The following FARP2 variants were observed in gnomAD, a reference collection of about 807,000 sequenced individuals.
FARP2 encodes the protein FERM, ARHGEF and pleckstrin domain-containing protein 2.
FARP2 carries 111 observed loss-of-function variants against 130.5 expected under a neutral mutation model. The ratio of observed to expected loss-of-function variants is 0.85; its 90% CI spans 0.73 to 1.00. The LOEUF (loss-of-function observed/expected upper bound fraction) is 1.00. Among genes scored for constraint, FARP2 ranks in the 50% least tolerant of loss-of-function variants. The pLI is 0.00. For missense variants in FARP2, 1,385 were observed against 1,346.3 expected, an observed-to-expected ratio of 1.03 and a Z score of -0.45; for synonymous variants, 504 against 516.9, an observed-to-expected ratio of 0.98 and a Z score of 0.34.
At chr2:241,428,474 G>A (rs2063012870) in intron 8 of FARP2, among the ~76,000 whole-genome samples, 3 of 151,874 alleles carry the variant, frequency 2.0e-5, no homozygotes, top group Non-Finnish European at 2.9e-5. Flanking sequence ...GGGATCACAG[G>A]CGTCAGCCAC....
Position 241,490,012 on chromosome 2 carries a change from C to T in FARP2, c.2472C>T (p.Tyr824=), listed in dbSNP as rs62000396. Residue 824 remains tyrosine, a synonymous_variant, in exon 22 of 27, where the codon TAC becomes TAT. Transcript: ENST00000264042. ...EWSVPHCFTI[Y]AAQKTIVVAA... ...CTGTTCCACACTGTTTCACCATCTA[C>T]GCGGCTCAGAAAACAATCGTGGTGG... 758 of 1,613,976 alleles carry T rather than the reference C, an allele frequency of 4.7e-4. 5 individuals carry two copies. In the African/African-American group the frequency reaches 8.6e-3, roughly 18 times the overall value.
intron 2 of FARP2, among the ~76,000 whole-genome samples, chr2:241,396,710 A>G (rs2062038825): frequency 6.6e-6 from 1 of 152,234 alleles, no homozygotes; most frequent in Non-Finnish European, 1.5e-5. Context: ...ATGTGGAGAA[A>G]TAGGAACGCT....
chr2:241,472,036 GAGAAGACCCTGTTTGGAGGGGGATGC>G (rs1392069721), intron 18 of FARP2, among the ~76,000 whole-genome samples: 2,496 of 86,244 alleles, frequency 0.029, no homozygotes, highest in Admixed American at 0.16. Flanking sequence ...ACACTGTTCT[GAGAAGACCCTGTTTGGAGGGGGATGC>G]CATTTTGAGG....
At chr2:241,361,552 A>G (rs1422212578) in intron 1 of FARP2, among the ~76,000 whole-genome samples, 2 of 152,184 alleles carry the variant, frequency 1.3e-5, no homozygotes, top group Non-Finnish European at 2.9e-5. Context: ...ATTTATTGCA[A>G]TTAGAATATT....
chr2:241,416,399 G>A (rs1234954503), intron 7 of FARP2, among the ~76,000 whole-genome samples: 3 of 152,074 alleles, frequency 2.0e-5, no homozygotes, highest in Admixed American at 1.3e-4. Context: ...ATTTGAGACT[G>A]TGTCTGTCAC....
chr2:241,380,729 C>T (rs976265518), intron 2 of FARP2, among the ~76,000 whole-genome samples: 9 of 151,548 alleles, frequency 5.9e-5, no homozygotes, highest in Non-Finnish European at 1.3e-4. Context: ...ATGGGATGCT[C>T]AACCCATACT....
intron 21 of FARP2, 138 bp downstream of exon 21, chr2:241,484,469 AG>A: frequency 3.0e-6 from 2 of 673,806 alleles, no homozygotes; most frequent in Non-Finnish European, 5.3e-6. Context: ...CACTGGGAGC[AG>A]CACCTGCTGG....
At chr2:241,458,473 T>C (rs779322735) in intron 14 of FARP2, among the ~76,000 whole-genome samples, 1 of 152,192 alleles carries the variant, frequency 6.6e-6, no homozygotes, top group Non-Finnish European at 1.5e-5. Context: ...TCCTTCCTGG[T>C]GCCCTGAGGG....
chr2:241,407,484 G>A, intron 4 of FARP2, 53 bp from the exon 5 acceptor site: 2 of 1,299,052 alleles, frequency 1.5e-6, no homozygotes, highest in Non-Finnish European at 2.2e-6. Context: ...TATGAAAAGA[G>A]AATAAATGCA....
At chr2:241,385,593 G>A (rs1037022543) in intron 2 of FARP2, among the ~76,000 whole-genome samples, 3 of 151,940 alleles carry the variant, frequency 2.0e-5, no homozygotes, top group African/African-American at 7.3e-5. Flanking sequence ...GGTGGCTCAC[G>A]CCTGTAGTCC....
intron 18 of FARP2, among the ~76,000 whole-genome samples, chr2:241,474,987 T>C (rs927974268): frequency 7.2e-5 from 11 of 152,290 alleles, no homozygotes; most frequent in Non-Finnish European, 1.3e-4. Flanking sequence ...CAGACCACTC[T>C]TAGTATAACT....
At chr2:241,363,296 A>G (rs1575447841) in intron 1 of FARP2, among the ~76,000 whole-genome samples, 1 of 152,232 alleles carries the variant, frequency 6.6e-6, no homozygotes, top group African/African-American at 2.4e-5. Flanking sequence ...CAGTGGCAGG[A>G]GTGTGTGAAC....
At chr2:241,413,867 A>G (rs571731892) in intron 7 of FARP2, among the ~76,000 whole-genome samples, 1 of 151,792 alleles carries the variant, frequency 6.6e-6, no homozygotes, top group African/African-American at 2.4e-5. Context: ...GCTTGAACCC[A>G]GGAGGTGGAG....
chr2:241,412,816 C>T (rs2062555323), intron 6 of FARP2, among the ~76,000 whole-genome samples: 1 of 152,116 alleles, frequency 6.6e-6, no homozygotes, highest in South Asian at 2.1e-4. Context: ...TTGCTTAAGT[C>T]CAGGAGTTTG....
intron 11 of FARP2, among the ~76,000 whole-genome samples, chr2:241,435,586 A>C (rs2063206458): frequency 6.9e-6 from 1 of 144,120 alleles, no homozygotes; most frequent in Non-Finnish European, 1.5e-5. Flanking sequence ...ATCTCGGCTC[A>C]CTGCAAGCTC....
Position 241,356,291 on chromosome 2 carries a change from G to A in FARP2, c.-122G>A, listed in dbSNP as rs961329083. 5 of 152,482 alleles carry A rather than the reference G, an allele frequency of 3.3e-5. No homozygotes were observed. The highest frequency in any genetic ancestry group is 1.3e-4 in the Admixed American group (2 of 15,248). The allele number at this position is 152,482 out of a possible 1,614,324, so 9.4% of individuals were successfully genotyped here. A position where few individuals can be genotyped will look rare whatever the true frequency, so the allele number is the denominator to read the frequency against. On this transcript the variant is annotated 5_prime_UTR_variant, in exon 1 of 27. Transcript: ENST00000264042. Reference sequence around the variant, plus strand: ...GCGGGGGCTGCCGGCGGGCAGTTGGGAGCAGGCGACGCCGACGCGAGTCTG... The same window carrying A: ...GCGGGGGCTGCCGGCGGGCAGTTGGAAGCAGGCGACGCCGACGCGAGTCTG...
rs1397674891 is a variant in FARP2, at chr2:241,408,552, AAAAAG to A, written c.410+942_410+946del. ...GCGAAACTCTGTCTCAAAAAAAAAA[AAAAAG>A]AAAATATTAACAATTGTTTCATCTG... On this transcript the variant is annotated intron_variant, in intron 5 of 26. Transcript: ENST00000264042. 8.5e-5 allele frequency among the ~76,000 whole-genome samples: 13 copies of A among 152,104 alleles called. No individual in the cohort carries two copies. The South Asian group carries it at 1.7e-3, about 19-fold the overall frequency.
At chr2:241,407,439 C>G in intron 4 of FARP2, 98 bp from the exon 5 acceptor site, 1 of 886,070 alleles carries the variant, frequency 1.1e-6, no homozygotes, top group Non-Finnish European at 1.9e-6. Context: ...CTGTAACAGT[C>G]CACTTGGAAG....
chr2:241,438,904 C>T (rs1419722190), intron 12 of FARP2, among the ~76,000 whole-genome samples: 3 of 152,172 alleles, frequency 2.0e-5, no homozygotes, highest in Admixed American at 2.0e-4. Flanking sequence ...GCTGGGATTA[C>T]AGGCGTGAGC....
Sources: allele counts gnomAD v4.1 joint callset (sites outside exome capture counted in the v4.1 genomes callset), GRCh38; gene constraint gnomAD v4.1.1; transcripts MANE v1.5; gene names NCBI Gene and HGNC (gene_info 2026-07-23, HGNC 2026-07-21).